Variants in SUMF1 observed in about 807,000 individuals in gnomAD.
SUMF1 encodes sulfatase modifying factor 1.
SUMF1 carries 48 observed loss-of-function variants against 47.6 expected under a neutral mutation model. The observed-to-expected ratio is 1.01, with a 90% CI of 0.80 to 1.28. The LOEUF is 1.28. Among genes scored for constraint, SUMF1 ranks in the 50% most tolerant of loss-of-function variants. The probability of loss-of-function intolerance (pLI) is 0.00; values close to 1 mark genes in which losing one functional copy is unlikely to be tolerated. For synonymous variants in SUMF1, 230 were observed against 192.1 expected, an observed-to-expected ratio of 1.20 and a Z score of -1.63; for missense variants, 571 against 485.4, an observed-to-expected ratio of 1.18 and a Z score of -1.66.
chr3:4,258,007 G>C (rs1218613564), intron 8 of SUMF1, among the ~76,000 whole-genome samples: 1 of 151,994 alleles, frequency 6.6e-6, no homozygotes, highest in Admixed American at 6.6e-5. Flanking sequence ...AACAAGCAAT[G>C]GGGAAAGGAT....
At chr3:4,196,998 C>G (rs767182228) in intron 8 of SUMF1, among the ~76,000 whole-genome samples, 4 of 152,096 alleles carry the variant, frequency 2.6e-5, no homozygotes, top group Non-Finnish European at 5.9e-5. Context: ...CCCTACTGGC[C>G]TCAACTGAGA....
intron 1 of SUMF1, among the ~76,000 whole-genome samples, chr3:4,456,003 C>T (rs1703147792): frequency 6.6e-6 from 1 of 152,068 alleles, no homozygotes; most frequent in African/African-American, 2.4e-5. Flanking sequence ...AATTCAACAG[C>T]ACATTAAAGG....
chr3:4,205,855 G>C (rs1695639695), intron 8 of SUMF1, among the ~76,000 whole-genome samples: 1 of 152,078 alleles, frequency 6.6e-6, no homozygotes, highest in Non-Finnish European at 1.5e-5. Flanking sequence ...ACTACCACTG[G>C]GGATGTGCTG....
intron 8 of SUMF1, among the ~76,000 whole-genome samples, chr3:4,084,329 T>C (rs1239661179): frequency 6.6e-6 from 1 of 152,128 alleles, no homozygotes; most frequent in East Asian, 1.9e-4. Flanking sequence ...GTAGATGTTT[T>C]GAGAAATGTT....
intron 8 of SUMF1, among the ~76,000 whole-genome samples, chr3:4,351,488 A>C (rs1026736659): frequency 6.6e-6 from 1 of 152,170 alleles, no homozygotes; most frequent in Non-Finnish European, 1.5e-5. Context: ...TTCATTCTTC[A>C]CACACTGATC....
intron 9 of SUMF1, among the ~76,000 whole-genome samples, chr3:4,038,880 G>A (rs80053192): frequency 0.039 from 5,998 of 152,164 alleles, 414 homozygotes; most frequent in African/African-American, 0.14. Context: ...CAGGGGTTGC[G>A]ATATTAGTAT....
intron 7 of SUMF1, among the ~76,000 whole-genome samples, chr3:4,380,213 T>G (rs186741667): frequency 1.8e-3 from 272 of 152,284 alleles, no homozygotes; most frequent in Middle Eastern, 6.8e-3. Flanking sequence ...ACGTGGTACA[T>G]ATACACCATG....
At chr3:4,136,861 A>G (rs1189446212) in intron 8 of SUMF1, among the ~76,000 whole-genome samples, 3 of 152,144 alleles carry the variant, frequency 2.0e-5, no homozygotes, top group Non-Finnish European at 4.4e-5. Context: ...GCCAAAAAAC[A>G]CATGAAAAAA....
rs961338921 is a variant in SUMF1, at chr3:4,367,109, A to T, written c.1015-4855T>A. Reference sequence around the variant, plus strand: ...TCTCAGAGGAGTACCCGGCCGTGTGAGGTGTCAGTCTGCCCCTACTGGGGG... The same window carrying T: ...TCTCAGAGGAGTACCCGGCCGTGTGTGGTGTCAGTCTGCCCCTACTGGGGG... On this transcript the variant is annotated intron_variant, in intron 8 of 8. Coordinates refer to ENST00000272902, the MANE Select transcript of SUMF1 (RefSeq NM_182760.4). Among the ~76,000 whole-genome samples, 44 of 151,920 alleles carry T rather than the reference A, an allele frequency of 2.9e-4. 1 individual carries two copies. Among genetic ancestry groups the T allele is most frequent in the Non-Finnish European group, 4.9e-4 (33 of 67,988 alleles).
chr3:4,367,340 C>T (rs577941897), intron 8 of SUMF1, among the ~76,000 whole-genome samples: 3 of 152,228 alleles, frequency 2.0e-5, no homozygotes, highest in Non-Finnish European at 4.4e-5. Flanking sequence ...CCTACAGAGG[C>T]AGCCAGGCCT....
chr3:4,116,531 C>T (rs1430562071), intron 8 of SUMF1, among the ~76,000 whole-genome samples: 1 of 152,074 alleles, frequency 6.6e-6, no homozygotes, highest in Admixed American at 6.6e-5. Flanking sequence ...AACTCAGCGC[C>T]TCTTTAAAGG....
intron 8 of SUMF1, among the ~76,000 whole-genome samples, chr3:4,148,944 C>G (rs921423833): frequency 2.0e-5 from 3 of 152,118 alleles, no homozygotes; most frequent in Non-Finnish European, 4.4e-5. Context: ...GAGAAAAAAA[C>G]TTAACAATTT....
At chr3:4,404,569 C>T (rs188189384) in intron 7 of SUMF1, among the ~76,000 whole-genome samples, 1 of 152,222 alleles carries the variant, frequency 6.6e-6, no homozygotes, top group East Asian at 1.9e-4. Flanking sequence ...ACCAACCTGA[C>T]CAACATGGCG....
chr3:4,314,316 C>T (rs756404476), intron 8 of SUMF1: 18 of 153,302 alleles, frequency 1.2e-4, no homozygotes, highest in Non-Finnish European at 2.2e-4. Flanking sequence ...TAATAATGAT[C>T]CAAGAAACCC....
At chr3:4,249,057 CT>C (rs1327058342) in intron 8 of SUMF1, among the ~76,000 whole-genome samples, 5 of 152,152 alleles carry the variant, frequency 3.3e-5, no homozygotes, top group African/African-American at 1.2e-4. Context: ...CCTGGAGCCA[CT>C]TGGCCCATGA....
chr3:4,236,142 C>T (rs1163748454), intron 8 of SUMF1, among the ~76,000 whole-genome samples: 1 of 151,898 alleles, frequency 6.6e-6, no homozygotes, highest in South Asian at 2.1e-4. Context: ...TGCCATGTTG[C>T]CCAGGCTGGT....
chr3:4,265,283 T>A (rs1384951800), intron 8 of SUMF1, among the ~76,000 whole-genome samples: 1 of 152,132 alleles, frequency 6.6e-6, no homozygotes, highest in Admixed American at 6.6e-5. Flanking sequence ...ATGTTGAGTA[T>A]CTTAAAGATA....
chr3:4,125,678 ATTTG>A (rs1419885968), intron 8 of SUMF1, among the ~76,000 whole-genome samples: 1 of 152,036 alleles, frequency 6.6e-6, no homozygotes, highest in African/African-American at 2.4e-5. Context: ...ATCAATTATT[ATTTG>A]TTTATTTTTA....
Position 4,453,626 on chromosome 3 carries a change from C to T in SUMF1, c.271-577G>A, listed in dbSNP as rs538800883. On this transcript the variant is annotated intron_variant, in intron 1 of 8. Coordinates refer to ENST00000272902, the MANE Select transcript of SUMF1 (RefSeq NM_182760.4). ...ACGGCTCACTGCAACCTCCACCTCC[C>T]GGGTCCAAGTGATTCTCCTGCCTCA... Among the ~76,000 whole-genome samples, 298 of 151,922 alleles carry T rather than the reference C, an allele frequency of 2.0e-3. 2 individuals carry two copies. Among genetic ancestry groups the T allele is most frequent in the Non-Finnish European group, 3.4e-3 (233 of 67,952 alleles).
Sources: gnomAD v4.1 joint callset for allele counts (sites outside exome capture counted in the v4.1 genomes callset) on GRCh38, gnomAD v4.1.1 for gene constraint, MANE v1.5 for transcripts, NCBI Gene and HGNC (gene_info 2026-07-23, HGNC 2026-07-21) for gene names.